NKD1: variants seen among roughly 807,000 people sequenced by gnomAD.
The protein encoded by NKD1 is NKD inhibitor of Wnt signaling pathway 1, also known as protein naked cuticle homolog 1.
A neutral mutation model predicts 56.0 loss-of-function variants in NKD1; 21 were observed. That is an observed-to-expected ratio of 0.38 (90% CI 0.27 to 0.54). The LOEUF (loss-of-function observed/expected upper bound fraction) is 0.54, where lower values mean the gene tolerates loss of function less well. Ranked by LOEUF, NKD1 falls within the 20% of genes least tolerant of loss-of-function variation. The pLI, the probability that NKD1 is intolerant of heterozygous loss-of-function variation, is 0.82. For synonymous variants in NKD1, 263 were observed against 265.7 expected, an observed-to-expected ratio of 0.99 and a Z score of 0.10; for missense variants, 578 against 642.7, an observed-to-expected ratio of 0.90 and a Z score of 1.09.
intron 3 of NKD1, among the ~76,000 whole-genome samples, chr16:50,596,273 CTGTAGGTCTTGCCACTGCTAGG>C (rs1961470026): frequency 6.6e-6 from 1 of 152,242 alleles, no homozygotes; most frequent in Admixed American, 6.5e-5. Flanking sequence ...CACCAGAATG[CTGTAGGTCTTGCCACTGCTAGG>C]GCCAAGACCC....
intron 3 of NKD1, among the ~76,000 whole-genome samples, chr16:50,567,354 G>A (rs1002514957): frequency 2.0e-5 from 3 of 152,168 alleles, no homozygotes; most frequent in African/African-American, 4.8e-5. Context: ...CTTTGGGGCC[G>A]AAAATAGCAC....
chr16:50,591,362 A>T lies in NKD1; in HGVS notation c.193-16932A>T, dbSNP rs558591722. Among the ~76,000 whole-genome samples, 403 of 152,316 alleles carry T rather than the reference A, an allele frequency of 2.6e-3. 3 individuals carry two copies. Among genetic ancestry groups the T allele is most frequent in the African/African-American group, 9.4e-3 (389 of 41,580 alleles). On this transcript the variant is annotated intron_variant, in intron 3 of 9. Transcript: ENST00000268459. ...ATGCAGAGTTGAGGGAAGCATTCAC[A>T]TCCACACTTTTCTTTCCTTCTCCTC...
Position 50,648,476 on chromosome 16 carries a change from G to A in NKD1, c.*14695G>A, listed in dbSNP as rs1028201415. The A allele has an allele frequency of 2.0e-5, 3 of 152,444 alleles. No homozygotes were observed. The highest frequency in any genetic ancestry group is 4.4e-5 in the Non-Finnish European group (3 of 68,030). 9.4% of individuals were successfully genotyped at this position (152,444 alleles called of 1,614,324 possible). A position where few individuals can be genotyped will look rare whatever the true frequency, so the allele number is the denominator to read the frequency against. ...CATCATCCTCACCAAGTTGCCACTG[G>A]ACTTTCTTGCCCCTAAATCCACTGG... is the stretch of plus-strand genomic sequence containing the variant. On this transcript the variant is annotated 3_prime_UTR_variant, in exon 10 of 10. Transcript: ENST00000268459.
rs752923904 is a variant in NKD1 at position 50,548,655 on chromosome 16, T to G, written c.26-62T>G. On this transcript the variant is annotated intron_variant, in intron 1 of 9. Transcript: ENST00000268459. Reference sequence around the variant, plus strand: ...GCGGTCGCTAACTCTCTCCCTTCCTTTCTTTCCTTCTCCCGCCGCCGCGGC... The same window carrying G: ...GCGGTCGCTAACTCTCTCCCTTCCTGTCTTTCCTTCTCCCGCCGCCGCGGC... 2.0e-6 allele frequency: 3 copies of G among 1,465,396 alleles called. No homozygotes were observed. In the South Asian group the frequency reaches 3.9e-5, roughly 19 times the overall value. The allele number at this position is 1,465,396 out of a possible 1,614,324, so 90.8% of individuals were successfully genotyped here.
intron 4 of NKD1, among the ~76,000 whole-genome samples, chr16:50,610,578 G>A (rs897274087): frequency 2.6e-5 from 4 of 152,280 alleles, no homozygotes; most frequent in Non-Finnish European, 5.9e-5. Context: ...GGGAGAACAA[G>A]CCGAGTCCTG....
intron 3 of NKD1, chr16:50,574,837 A>T: frequency 1.0e-6 from 1 of 985,392 alleles, no homozygotes; most frequent in Non-Finnish European, 1.2e-6. Context: ...AATACATGAA[A>T]CCAAGCTGTT....
chr16:50,550,984 C>T (rs1005327521), intron 3 of NKD1, among the ~76,000 whole-genome samples: 2 of 151,950 alleles, frequency 1.3e-5, no homozygotes, highest in African/African-American at 2.4e-5. Context: ...TCTAAACTGC[C>T]AGGCAGCTTG....
intron 3 of NKD1, 88 bp downstream of exon 3, chr16:50,549,643 C>G: frequency 8.0e-7 from 1 of 1,245,860 alleles, no homozygotes; most frequent in East Asian, 2.8e-5. Context: ...ACTTTGAGCA[C>G]TTTCCTGCAC....
intron 4 of NKD1, among the ~76,000 whole-genome samples, chr16:50,609,412 T>C (rs1961791534): frequency 6.6e-6 from 1 of 152,192 alleles, no homozygotes; most frequent in Admixed American, 6.5e-5. Context: ...GGCTGCCTTA[T>C]AAGAGTAAGG....
At chr16:50,617,789 G>T (rs1255000638) in intron 4 of NKD1, among the ~76,000 whole-genome samples, 1 of 152,226 alleles carries the variant, frequency 6.6e-6, no homozygotes. Flanking sequence ...ACTGCACAAG[G>T]ATTTCCAGCC....
In NKD1 at chr16:50,630,811, T is replaced by A. The variant is rs772551464; in HGVS notation, c.611-15T>A. 1.4e-5 allele frequency: 22 copies of A among 1,578,804 alleles called. No individual in the cohort carries two copies. Among genetic ancestry groups the A allele is most frequent in the Non-Finnish European group, 1.8e-5 (21 of 1,163,090 alleles). ...GCTCACCTGGTGTCTCCTGTGCTTC[T>A]CGGGCCGGACTCAGACCTGCAGAGC... On this transcript the variant is annotated splice_polypyrimidine_tract_variant and intron_variant, in intron 7 of 9. Coordinates refer to ENST00000268459, the MANE Select transcript of NKD1 (RefSeq NM_033119.5).
At chr16:50,592,921 G>C (rs1961400780) in intron 3 of NKD1, among the ~76,000 whole-genome samples, 1 of 152,162 alleles carries the variant, frequency 6.6e-6, no homozygotes, top group African/African-American at 2.4e-5. Context: ...ACCTGGGTAT[G>C]AACAGCACTC....
rs2151282882 is a variant in NKD1 at position 50,638,513 on chromosome 16, C to G, written c.*4732C>G. The G allele has an allele frequency of 6.6e-6, 1 of 152,416 alleles. No individual in the cohort carries two copies. Among genetic ancestry groups the G allele is most frequent in the African/African-American group, 2.4e-5 (1 of 41,578 alleles). 9.4% of individuals were successfully genotyped at this position (152,416 alleles called of 1,614,324 possible). ...TTTTGCAGAGCAAAGACAGATGTTT[C>G]AGCCACACGCTTTATTAACTTCTAA... On this transcript the variant is annotated 3_prime_UTR_variant, in exon 10 of 10. Coordinates refer to ENST00000268459, the MANE Select transcript of NKD1 (RefSeq NM_033119.5).
rs780432491 is a variant in NKD1, at chr16:50,549,495, G to C, written c.132G>C (p.Pro44=). 22 of 1,608,920 alleles carry C rather than the reference G, an allele frequency of 1.4e-5. No individual in the cohort carries two copies. The highest frequency in any genetic ancestry group is 1.6e-5 in the Non-Finnish European group (19 of 1,177,762). The change falls in exon 3 of 10, where the codon CCG becomes CCC. Residue 44 remains proline (P), a synonymous_variant. Transcript: ENST00000268459. The stretch of plus-strand genomic sequence containing the variant: ...AGTGGATCGGGAGACAGCGCTGCCC[G>C]GGCGGTGTCTCGGGACCCCGACAGC... The part of the protein sequence containing the change: ...IEEWIGRQRC[P]GGVSGPRQLR...
rs1463107543 is a variant in NKD1 at position 50,638,295 on chromosome 16, C to G, written c.*4514C>G. Reference sequence around the variant, plus strand: ...TGCTCTCTACCCACCACCCTCACCTCCTCGTTAAAGATGGTGCTACCTGCC... The same window carrying G: ...TGCTCTCTACCCACCACCCTCACCTGCTCGTTAAAGATGGTGCTACCTGCC... On this transcript the variant is annotated 3_prime_UTR_variant, in exon 10 of 10. Transcript: ENST00000268459. The G allele has an allele frequency of 6.6e-6, 1 of 152,268 alleles. No individual in the cohort carries two copies. Among genetic ancestry groups the G allele is most frequent in the Non-Finnish European group, 1.5e-5 (1 of 68,114 alleles). 9.4% of individuals were successfully genotyped at this position (152,268 alleles called of 1,614,324 possible). A position where few individuals can be genotyped will look rare whatever the true frequency, so the allele number is the denominator to read the frequency against.
At chr16:50,549,655 G>A (rs1567331516) in intron 3 of NKD1, 100 bp downstream of exon 3, 2 of 1,171,750 alleles carry the variant, frequency 1.7e-6, no homozygotes, top group Non-Finnish European at 2.3e-6. Context: ...TTCCTGCACA[G>A]CTTCTGGGTC....
intron 3 of NKD1, among the ~76,000 whole-genome samples, chr16:50,579,675 C>A (rs112760575): frequency 7.0e-6 from 1 of 143,346 alleles, no homozygotes. Flanking sequence ...CACTCTAACC[C>A]GCCACGCATG....
chr16:50,554,914 T>C (rs897492588), intron 3 of NKD1, among the ~76,000 whole-genome samples: 5 of 152,192 alleles, frequency 3.3e-5, no homozygotes, highest in Admixed American at 6.5e-5. Flanking sequence ...GCCACCACAC[T>C]TGGCCTTGTT....
intron 3 of NKD1, among the ~76,000 whole-genome samples, chr16:50,554,633 TTTA>T (rs1960461352): frequency 6.6e-6 from 1 of 152,224 alleles, no homozygotes; most frequent in South Asian, 2.1e-4. Context: ...TAATTCTTTG[TTTA>T]TTATTATTAT....
Sources: gnomAD v4.1 joint callset for allele counts (sites outside exome capture counted in the v4.1 genomes callset) on GRCh38, gnomAD v4.1.1 for gene constraint, MANE v1.5 for transcripts, NCBI Gene and HGNC (gene_info 2026-07-23, HGNC 2026-07-21) for gene names.